CDH4: variants seen among roughly 807,000 people sequenced by gnomAD.
CDH4 encodes the protein cadherin-4.
A neutral mutation model predicts 86.0 loss-of-function variants in CDH4; 33 were observed. That is an observed-to-expected ratio of 0.38 (90% CI 0.29 to 0.51). The LOEUF (loss-of-function observed/expected upper bound fraction) is 0.51, where lower values mean the gene tolerates loss of function less well. CDH4 is among the 20% of genes least tolerant of loss of function. The probability of loss-of-function intolerance (pLI) is 0.86; values close to 1 mark genes in which losing one functional copy is unlikely to be tolerated. For missense variants in CDH4, 1,114 were observed against 1,307.4 expected, an observed-to-expected ratio of 0.85 and a Z score of 2.28; for synonymous variants, 555 against 549.4, an observed-to-expected ratio of 1.01 and a Z score of -0.14.
At chr20:61,546,285 C>T (rs959647603) in intron 2 of CDH4, among the ~76,000 whole-genome samples, 15 of 137,244 alleles carry the variant, frequency 1.1e-4, no homozygotes, top group African/African-American at 3.5e-4. Flanking sequence ...GTGGTGTGTG[C>T]GCTCGAGTGT....
At position 61,544,322 on chromosome 20, in the gene CDH4, C is replaced by T. The variant is rs528761764; in HGVS notation, c.170-199241C>T. 1.4e-4 allele frequency among the ~76,000 whole-genome samples: 21 copies of T among 151,998 alleles called. No homozygotes were observed. The highest frequency in any genetic ancestry group is 3.4e-4 in the African/African-American group (14 of 41,456). On this transcript the variant is annotated intron_variant, in intron 2 of 15. Transcript: ENST00000614565. The surrounding 1 kb of genome is among the most constrained non-coding windows in gnomAD (Gnocchi z 6.5). ...AACACCCCACAGCCCAGGACAGCCT[C>T]GCAGCAGAAGCATCCAGCTCCATGT...
chr20:61,928,183 TC>T lies in CDH4; in HGVS notation c.1772-5del. The stretch of plus-strand genomic sequence containing the variant: ...GGCCCGTGTGGTGACCTGTGTCTGT[TC>T]CACAGGGATACCCCCGGCCAGCGGC... On this transcript the variant is annotated splice_polypyrimidine_tract_variant and splice_region_variant and intron_variant, in intron 11 of 15. Coordinates refer to ENST00000614565, the MANE Select transcript of CDH4 (RefSeq NM_001794.5). The T allele has an allele frequency of 6.3e-7, 1 of 1,596,714 alleles. No individual in the cohort carries two copies. Among genetic ancestry groups the T allele is most frequent in the Non-Finnish European group, 8.5e-7 (1 of 1,177,302 alleles).
intron 4 of CDH4, 34 bp from the exon 5 acceptor site, chr20:61,844,634 G>T: frequency 6.3e-7 from 1 of 1,591,994 alleles, no homozygotes; most frequent in Non-Finnish European, 8.6e-7. Flanking sequence ...CTCACCACAG[G>T]ATAACCTCTT....
In CDH4 at chr20:61,644,975, T is replaced by C. The variant is rs367608141; in HGVS notation, c.170-98588T>C. Among the ~76,000 whole-genome samples, 305 of 152,296 alleles carry C rather than the reference T, an allele frequency of 2.0e-3. 2 individuals are homozygous for C. The highest frequency in any genetic ancestry group is 7.0e-3 in the African/African-American group (292 of 41,564). ...CAGACCAGCCTCTCAGCTTGGGCTG[T>C]GGGCGCCGGCTCTCTGTGTGCTCAC... On this transcript the variant is annotated intron_variant, in intron 2 of 15. Transcript: ENST00000614565.
Position 61,253,169 on chromosome 20 carries a change from C to T in CDH4, c.57+599C>T, listed in dbSNP as rs1237855804. Among the ~76,000 whole-genome samples the T allele has an allele frequency of 3.3e-5, 5 of 151,432 alleles. No individual in the cohort carries two copies. The East Asian group carries it at 9.8e-4, about 30-fold the overall frequency. On this transcript the variant is annotated intron_variant, in intron 1 of 15. Transcript: ENST00000614565. ...TAGGACTGCGGGGCACTCTCACCCC[C>T]GAGCCCTCGGCGGGGCTGGAGCCTG...
At chr20:61,675,797 C>G (rs967603119) in intron 2 of CDH4, among the ~76,000 whole-genome samples, 5 of 150,030 alleles carry the variant, frequency 3.3e-5, no homozygotes, top group Admixed American at 1.3e-4. Flanking sequence ...TGGGCTCAGC[C>G]AAGCACTCCC....
At chr20:61,525,583 TGA>T (rs2085903923) in intron 2 of CDH4, among the ~76,000 whole-genome samples, 1 of 152,180 alleles carries the variant, frequency 6.6e-6, no homozygotes, top group South Asian at 2.1e-4. Context: ...TGCTGAACTC[TGA>T]GAGAGCAGGA....
chr20:61,565,290 T>G, intron 2 of CDH4, among the ~76,000 whole-genome samples: 2 of 47,196 alleles, frequency 4.2e-5, no homozygotes, highest in Admixed American at 2.1e-4. Flanking sequence ...GATGGGGTGA[T>G]GGTGGTGGCG....
At chr20:61,540,329 T>A (rs532812510) in intron 2 of CDH4, among the ~76,000 whole-genome samples, 2 of 152,358 alleles carry the variant, frequency 1.3e-5, no homozygotes, top group Non-Finnish European at 2.9e-5. Context: ...ACATGGTTCT[T>A]GTGCTCTAGA....
intron 2 of CDH4, among the ~76,000 whole-genome samples, chr20:61,396,597 C>G (rs541449032): frequency 6.6e-6 from 1 of 152,234 alleles, no homozygotes; most frequent in Non-Finnish European, 1.5e-5. Flanking sequence ...GGGGAGCATC[C>G]TGAGACCAGC....
chr20:61,327,248 C>G (rs1204516184), intron 2 of CDH4, among the ~76,000 whole-genome samples: 2 of 152,172 alleles, frequency 1.3e-5, no homozygotes, highest in Non-Finnish European at 2.9e-5. Flanking sequence ...ACTGTCAAAA[C>G]ACACAATTTC....
intron 2 of CDH4, 63 bp downstream of exon 2, chr20:61,255,000 T>A: frequency 1.0e-6 from 1 of 954,592 alleles, no homozygotes; most frequent in Non-Finnish European, 1.7e-6. Flanking sequence ...GGGAAACATG[T>A]AGATGGGAGA....
At chr20:61,592,677 T>A (rs1399375699) in intron 2 of CDH4, among the ~76,000 whole-genome samples, 3 of 152,194 alleles carry the variant, frequency 2.0e-5, no homozygotes, top group Non-Finnish European at 4.4e-5. Flanking sequence ...GTATACTTTC[T>A]GTCTGTGGAT....
At chr20:61,661,093 G>GGGGTGGC (rs907816921) in intron 2 of CDH4, among the ~76,000 whole-genome samples, 3 of 102,206 alleles carry the variant, frequency 2.9e-5, no homozygotes, top group Non-Finnish European at 5.2e-5. Context: ...GCGGGGGGGG[G>GGGGTGGC]GGAGACACAG....
intron 2 of CDH4, among the ~76,000 whole-genome samples, chr20:61,522,485 A>T (rs1568876039): frequency 1.3e-5 from 2 of 152,232 alleles, no homozygotes; most frequent in Non-Finnish European, 2.9e-5. Context: ...TCAATATCAC[A>T]TTACAATGTT....
chr20:61,289,478 C>T (rs6093086), intron 2 of CDH4, among the ~76,000 whole-genome samples: 13,986 of 152,202 alleles, frequency 0.092, 709 homozygotes, highest in African/African-American at 0.11. Flanking sequence ...TACGGGGTGT[C>T]GCCAGCCTGC....
chr20:61,454,545 A>C (rs951399964), intron 2 of CDH4, among the ~76,000 whole-genome samples: 1 of 152,104 alleles, frequency 6.6e-6, no homozygotes, highest in Non-Finnish European at 1.5e-5. Flanking sequence ...TCCCGGGTTC[A>C]CGCCATTCTC....
intron 9 of CDH4, among the ~76,000 whole-genome samples, chr20:61,910,827 C>CT (rs1256624797): frequency 1.3e-5 from 2 of 152,180 alleles, no homozygotes; most frequent in African/African-American, 4.8e-5. Flanking sequence ...AAATACCCTC[C>CT]CATTCCCTTT....
At chr20:61,798,849 C>G (rs1256170687) in intron 4 of CDH4, among the ~76,000 whole-genome samples, 2 of 152,208 alleles carry the variant, frequency 1.3e-5, no homozygotes, top group African/African-American at 4.8e-5. Context: ...TGGTCCCAGT[C>G]TCATTAGCTC....
Sources: allele counts gnomAD v4.1 joint callset (sites outside exome capture counted in the v4.1 genomes callset), GRCh38; gene constraint gnomAD v4.1.1; non-coding constraint Gnocchi (gnomAD v3.1); transcripts MANE v1.5; gene names NCBI Gene and HGNC (gene_info 2026-07-23, HGNC 2026-07-21).